NINL: variants seen among roughly 807,000 people sequenced by gnomAD.
The protein encoded by NINL is ninein like, also known as ninein-like protein.
Under a neutral mutation model 160.3 loss-of-function variants are expected in NINL, and 153 were observed. That is an observed-to-expected ratio of 0.95 (90% CI 0.84 to 1.09). The LOEUF (loss-of-function observed/expected upper bound fraction) is 1.09. Ranked by LOEUF, NINL falls within the 50% of genes least tolerant of loss-of-function variation. The pLI is 0.00. For missense variants in NINL, 1,829 were observed against 1,764.0 expected (o/e 1.04, Z -0.66); for synonymous variants, 800 against 734.8 (o/e 1.09, Z -1.43).
intron 2 of NINL, 90 bp from the exon 3 acceptor site, chr20:25,517,939 A>G: frequency 1.4e-6 from 1 of 707,236 alleles, no homozygotes; most frequent in Non-Finnish European, 2.3e-6. Flanking sequence ...TCTCAGATAG[A>G]AATATATTAT....
At chr20:25,512,812 G>A (rs746034919) in intron 4 of NINL, 22 bp downstream of exon 4, 3 of 1,589,080 alleles carry the variant, frequency 1.9e-6, no homozygotes, top group South Asian at 1.1e-5. Context: ...GGCAGCTGGG[G>A]TGGGAGAGGG....
rs541261071 is a variant in NINL at position 25,512,296 on chromosome 20, T to C, written c.450+538A>G. On this transcript the variant is annotated intron_variant, in intron 4 of 23. Coordinates refer to ENST00000278886, the MANE Select transcript of NINL (RefSeq NM_025176.6). The stretch of plus-strand genomic sequence containing the variant: ...CTCACACTCCTAACCTCGAGGCTGT[T>C]TCAAAAAGGCTTCTTCCCTTTTCTA... Among the ~76,000 whole-genome samples, 5 of 152,304 alleles carry C rather than the reference T, an allele frequency of 3.3e-5. No homozygotes were observed. In the South Asian group the frequency reaches 1.0e-3, roughly 32 times the overall value.
At chr20:25,475,975 G>A in intron 17 of NINL, 68 bp downstream of exon 17, 4 of 1,488,090 alleles carry the variant, frequency 2.7e-6, no homozygotes, top group Non-Finnish European at 2.8e-6. Flanking sequence ...TTAGCAACAG[G>A]GGTCAGTGGG....
At chr20:25,489,402 A>G in intron 12 of NINL, 78 bp from the exon 13 acceptor site, 1 of 1,307,144 alleles carries the variant, frequency 7.7e-7, no homozygotes, top group Non-Finnish European at 1.1e-6. Flanking sequence ...CCTGGGCTCC[A>G]AGAACCTGCC....
At chr20:25,457,918 T>TGCCCAAGTTCACTC (rs1455754691) in intron 22 of NINL, among the ~76,000 whole-genome samples, 10 of 152,296 alleles carry the variant, frequency 6.6e-5, no homozygotes, top group Admixed American at 6.5e-4. Flanking sequence ...GAGGTTCACT[T>TGCCCAAGTTCACTC]GCCCAAGTTC....
At position 25,492,118 on chromosome 20, in the gene NINL, C is replaced by A. The variant is rs1314720181; in HGVS notation, c.1311-593G>T. On this transcript the variant is annotated intron_variant, in intron 10 of 23. Transcript: ENST00000278886. ...AAACCACGTCTACCCAGACTGAAGA[C>A]CAGCGAGGCTCCTACTTCTGCAGAA... is the stretch of plus-strand genomic sequence containing the variant. 2.0e-5 allele frequency among the ~76,000 whole-genome samples: 3 copies of A among 152,316 alleles called. No individual in the cohort carries two copies. In the East Asian group the frequency reaches 5.8e-4, roughly 29 times the overall value.
In NINL at chr20:25,476,741, A is replaced by T. The variant is rs1410646761; in HGVS notation, c.2550T>A (p.Arg850=). ...CCAGTGGCCGCTCCCCACAGCCCGG[A>T]CGCAGTGGTAGGAGGCCACGTGTGC... is the stretch of plus-strand genomic sequence containing the variant. The part of the protein sequence containing the change: ...QEGTRGLLPL[R]PGCGERPLAW... Residue 850 remains arginine (R), a synonymous_variant, in exon 17 of 24, where the codon CGT becomes CGA. Coordinates refer to ENST00000278886, the MANE Select transcript of NINL (RefSeq NM_025176.6). 6.2e-7 allele frequency: 1 copy of T among 1,607,360 alleles called. No homozygotes were observed. The highest frequency in any genetic ancestry group is 1.3e-5 in the African/African-American group (1 of 74,880).
At position 25,470,018 on chromosome 20, in the gene NINL, G is replaced by A. The variant is rs2063054569; in HGVS notation, c.3326C>T (p.Ala1109Val). 1.2e-6 allele frequency: 2 copies of A among 1,614,178 alleles called. No homozygotes were observed. Residue 1109 changes from alanine (A) to valine (V), a missense_variant, in exon 18 of 24, where the codon GCT becomes GTT. By Grantham distance (64) the Ala-to-Val change is moderately conservative. Transcript: ENST00000278886. ...CTGTGCATCGTGAGTACTTTCTGCAGCTTCAAGCTCTTGCCGAACCCTTCC... is the reference window on the plus strand; with the variant it reads ...CTGTGCATCGTGAGTACTTTCTGCAACTTCAAGCTCTTGCCGAACCCTTCC... ...DLGRVRQELE[A>V]AESTHDAQRK...
At chr20:25,502,783 C>A (rs1016863971) in intron 7 of NINL, among the ~76,000 whole-genome samples, 2 of 152,136 alleles carry the variant, frequency 1.3e-5, no homozygotes, top group Non-Finnish European at 2.9e-5. Context: ...TGTGACCTGC[C>A]TGCACCCCTT....
intron 1 of NINL, chr20:25,539,994 G>A: frequency 7.8e-7 from 1 of 1,284,420 alleles, no homozygotes; most frequent in South Asian, 1.2e-5. Context: ...ACAACAAGCA[G>A]CTCACTGTAA....
intron 2 of NINL, among the ~76,000 whole-genome samples, chr20:25,519,989 CAAAAAAAAAAA>C (rs59160061): frequency 4.1e-4 from 5 of 12,126 alleles, no homozygotes; most frequent in Admixed American, 1.8e-3. Context: ...GACCCCGTCT[CAAAAAAAAAAA>C]AAAAAAAAAA....
chr20:25,506,407 A>G (rs1170056359), intron 5 of NINL, among the ~76,000 whole-genome samples: 1 of 152,232 alleles, frequency 6.6e-6, no homozygotes, highest in Non-Finnish European at 1.5e-5. Flanking sequence ...AGACTGCACT[A>G]TGACAGCAGC....
chr20:25,481,836 C>A (rs66467007), intron 14 of NINL, 132 bp downstream of exon 14: 55,420 of 1,332,368 alleles, frequency 0.042, 1,325 homozygotes, highest in Middle Eastern at 0.078. Context: ...AAAGTCCCTG[C>A]AGAGCAGACC....
chr20:25,530,505 G>T (rs190284290), intron 1 of NINL, among the ~76,000 whole-genome samples: 18 of 152,122 alleles, frequency 1.2e-4, no homozygotes, highest in African/African-American at 3.6e-4. Context: ...GAGGGGCAGG[G>T]GAGTATCGGG....
chr20:25,479,427 C>T (rs150964259), intron 15 of NINL, among the ~76,000 whole-genome samples: 3 of 152,294 alleles, frequency 2.0e-5, no homozygotes, highest in Non-Finnish European at 2.9e-5. Context: ...TGAGGCAGGG[C>T]GGCAGGCAAG....
chr20:25,462,670 T>TGTTTTGTTTTG, intron 19 of NINL, 129 bp from the exon 20 acceptor site: 2 of 890,572 alleles, frequency 2.2e-6, no homozygotes, highest in Non-Finnish European at 3.3e-6. Context: ...TGTTTTGTTT[T>TGTTTTGTTTTG]TCAAGACAGG....
At chr20:25,521,983 T>G (rs1242674169) in intron 2 of NINL, among the ~76,000 whole-genome samples, 1 of 152,194 alleles carries the variant, frequency 6.6e-6, no homozygotes, top group Non-Finnish European at 1.5e-5. Context: ...CACAGCTCAC[T>G]GCAGCTTCAA....
intron 18 of NINL, among the ~76,000 whole-genome samples, chr20:25,467,759 A>G (rs1380717287): frequency 6.6e-6 from 1 of 152,236 alleles, no homozygotes; most frequent in Non-Finnish European, 1.5e-5. Flanking sequence ...CACACCCTGC[A>G]TGACATTCCT....
chr20:25,477,052 C>T lies in NINL; in HGVS notation c.2239G>A (p.Gly747Arg). The change falls in exon 17 of 24, where the codon GGG becomes AGG. Residue 747 changes from glycine to arginine, a missense_variant. Coordinates refer to ENST00000278886, the MANE Select transcript of NINL (RefSeq NM_025176.6). ...AEAELSGELSGLGALPARRDL... is the reference protein window; with the variant it reads ...AEAELSGELSRLGALPARRDL... ...CTGCGAGCGGGCAGGGCTCCCAGCC[C>T]CGACAGCTCTCCACTCAGCTCCGCC... 3 of 1,598,554 alleles carry T rather than the reference C, an allele frequency of 1.9e-6. No individual in the cohort carries two copies. The highest frequency in any genetic ancestry group is 2.5e-6 in the Non-Finnish European group (3 of 1,179,566).
Sources: allele counts gnomAD v4.1 joint callset (sites outside exome capture counted in the v4.1 genomes callset), GRCh38; gene constraint gnomAD v4.1.1; transcripts MANE v1.5; gene names NCBI Gene and HGNC (gene_info 2026-07-23, HGNC 2026-07-21).